The following GRID2 variants were observed in gnomAD, a reference collection of about 807,000 sequenced individuals.
GRID2 encodes glutamate receptor ionotropic, delta-2.
GRID2 carries 33 observed loss-of-function variants against 114.8 expected under a neutral mutation model. The ratio of observed to expected loss-of-function variants is 0.29; its 90% CI spans 0.22 to 0.38. The LOEUF (loss-of-function observed/expected upper bound fraction) is 0.38, where lower values mean the gene tolerates loss of function less well. GRID2 is among the 10% of genes least tolerant of loss of function. The pLI, the probability that GRID2 is intolerant of heterozygous loss-of-function variation, is 1.00. For missense variants in GRID2, 1,184 were observed against 1,257.7 expected, an observed-to-expected ratio of 0.94 and a Z score of 0.89; for synonymous variants, 505 against 449.9, an observed-to-expected ratio of 1.12 and a Z score of -1.55.
chr4:93,450,518 T>A (rs1387529804), intron 10 of GRID2, among the ~76,000 whole-genome samples: 1 of 151,774 alleles, frequency 6.6e-6, no homozygotes, highest in Non-Finnish European at 1.5e-5. Context: ...AGATCTTTAG[T>A]TGTTACATAT....
chr4:92,337,949 T>A (rs995170217), intron 1 of GRID2, among the ~76,000 whole-genome samples: 4 of 152,268 alleles, frequency 2.6e-5, no homozygotes, highest in African/African-American at 9.6e-5. Flanking sequence ...ACTGCCTGCG[T>A]GTGTGCATAT....
chr4:93,179,715 G>A (rs1410033300), intron 4 of GRID2, among the ~76,000 whole-genome samples: 2 of 152,090 alleles, frequency 1.3e-5, no homozygotes, highest in Admixed American at 6.6e-5. Flanking sequence ...TTTGAAGCTT[G>A]GAAGAATTAC....
chr4:92,578,104 CTTCTTCTTCTTT>C (rs1384997743), intron 1 of GRID2, among the ~76,000 whole-genome samples: 4 of 130,088 alleles, frequency 3.1e-5, no homozygotes, highest in East Asian at 2.3e-4. Context: ...TCTTCTTCTT[CTTCTTCTTCTTT>C]TTCTTATTAT....
chr4:93,250,937 G>A (rs1387727977), intron 8 of GRID2, among the ~76,000 whole-genome samples: 1 of 151,662 alleles, frequency 6.6e-6, no homozygotes, highest in Non-Finnish European at 1.5e-5. Context: ...TGGTTTTTGA[G>A]GGGAGGTTAT....
intron 2 of GRID2, among the ~76,000 whole-genome samples, chr4:92,920,677 C>G (rs953175826): frequency 6.6e-6 from 1 of 152,146 alleles, no homozygotes; most frequent in Non-Finnish European, 1.5e-5. Context: ...ATATTGGCCC[C>G]CACTCTCTTC....
chr4:93,117,113 T>C (rs1733343792), intron 4 of GRID2, among the ~76,000 whole-genome samples: 1 of 152,180 alleles, frequency 6.6e-6, no homozygotes, highest in Admixed American at 6.5e-5. Context: ...TAAAAAATTA[T>C]TTACCTCAGA....
At chr4:92,571,591 C>G (rs1727626503) in intron 1 of GRID2, among the ~76,000 whole-genome samples, 2 of 152,066 alleles carry the variant, frequency 1.3e-5, no homozygotes, top group Admixed American at 1.3e-4. Context: ...TTCTTCTCAG[C>G]ACCACACCGC....
At chr4:93,464,351 G>A (rs1404144606) in intron 11 of GRID2, among the ~76,000 whole-genome samples, 1 of 152,118 alleles carries the variant, frequency 6.6e-6, no homozygotes, top group Non-Finnish European at 1.5e-5. Flanking sequence ...TAAAGCATGG[G>A]AAACTGACCA....
intron 11 of GRID2, among the ~76,000 whole-genome samples, chr4:93,481,836 A>C (rs1282316988): frequency 6.6e-6 from 1 of 152,016 alleles, no homozygotes; most frequent in Non-Finnish European, 1.5e-5. Flanking sequence ...GACAGCAAAA[A>C]TGAGCAGGGT....
chr4:92,335,271 C>T (rs1727105033), intron 1 of GRID2, among the ~76,000 whole-genome samples: 1 of 152,154 alleles, frequency 6.6e-6, no homozygotes, highest in South Asian at 2.1e-4. Context: ...GGGTTGGAAT[C>T]CCAATCCTTT....
At chr4:93,045,923 A>G (rs764954738) in intron 2 of GRID2, among the ~76,000 whole-genome samples, 4 of 152,128 alleles carry the variant, frequency 2.6e-5, no homozygotes, top group Non-Finnish European at 5.9e-5. Context: ...TCTAATGTTT[A>G]AAATACAGTA....
chr4:92,331,423 G>A (rs989056855), intron 1 of GRID2, among the ~76,000 whole-genome samples: 1 of 152,120 alleles, frequency 6.6e-6, no homozygotes. Flanking sequence ...ACCCCAGAAG[G>A]AAAAGAATTT....
chr4:92,704,544 TGAAAG>T (rs1157316057), intron 2 of GRID2, among the ~76,000 whole-genome samples: 5 of 152,206 alleles, frequency 3.3e-5, no homozygotes, highest in Non-Finnish European at 7.4e-5. Flanking sequence ...AACAGATAGA[TGAAAG>T]GAAACATTTT....
chr4:92,905,122 G>T (rs2149484583), intron 2 of GRID2, among the ~76,000 whole-genome samples: 1 of 152,006 alleles, frequency 6.6e-6, no homozygotes, highest in South Asian at 2.1e-4. Context: ...ACTTAATTAA[G>T]AAATGATATT....
chr4:93,750,712 C>T (rs949509359), intron 14 of GRID2, among the ~76,000 whole-genome samples: 8 of 151,286 alleles, frequency 5.3e-5, no homozygotes, highest in Admixed American at 2.6e-4. Flanking sequence ...GCTGGGATCG[C>T]GCCACTACAC....
chr4:93,161,983 T>G (rs1041156681), intron 4 of GRID2, among the ~76,000 whole-genome samples: 1 of 151,864 alleles, frequency 6.6e-6, no homozygotes, highest in Non-Finnish European at 1.5e-5. Context: ...TTAGTCAATT[T>G]CTAATATATT....
chr4:92,764,535 C>T (rs74484460), intron 2 of GRID2, among the ~76,000 whole-genome samples: 3,455 of 152,278 alleles, frequency 0.023, 97 homozygotes, highest in East Asian at 0.12. Flanking sequence ...TTTGTAGCTT[C>T]GTGCACTTCT....
At chr4:92,794,310 A>G (rs1447873165) in intron 2 of GRID2, among the ~76,000 whole-genome samples, 1 of 151,810 alleles carries the variant, frequency 6.6e-6, no homozygotes, top group Non-Finnish European at 1.5e-5. Flanking sequence ...GCAATTGGCC[A>G]CTGGCCACTC....
rs116172094 is a variant in GRID2 at position 93,361,133 on chromosome 4, T to C, written c.1246-34474T>C. 5.5e-3 allele frequency among the ~76,000 whole-genome samples: 831 copies of C among 152,230 alleles called. 3 individuals are homozygous for C. The highest frequency in any genetic ancestry group is 0.019 in the African/African-American group (792 of 41,554). On this transcript the variant is annotated intron_variant, in intron 8 of 15. Transcript: ENST00000282020. The stretch of plus-strand genomic sequence containing the variant: ...GACATGCATAATTACTAAATTTTTT[T>C]ACATGCAATAATTCATTTAGCCCTC...
Sources: allele counts gnomAD v4.1 joint callset (sites outside exome capture counted in the v4.1 genomes callset), GRCh38; gene constraint gnomAD v4.1.1; transcripts MANE v1.5; gene names NCBI Gene and HGNC (gene_info 2026-07-23, HGNC 2026-07-21).